TMEM117: variants seen among roughly 807,000 people sequenced by gnomAD.
The protein encoded by TMEM117 is transmembrane protein 117.
A neutral mutation model predicts 52.4 loss-of-function variants in TMEM117; 27 were observed. The ratio of observed to expected loss-of-function variants is 0.51; its 90% CI spans 0.38 to 0.71. The LOEUF (loss-of-function observed/expected upper bound fraction) is 0.71. Among genes scored for constraint, TMEM117 ranks in the 30% least tolerant of loss-of-function variants. TMEM117 has a pLI of 0.00. For synonymous variants in TMEM117, 215 were observed against 206.3 expected (o/e 1.04, Z -0.36); for missense variants, 556 against 630.5 (o/e 0.88, Z 1.26).
At chr12:43,884,086 T>C (rs1431538593) in intron 2 of TMEM117, among the ~76,000 whole-genome samples, 2 of 146,710 alleles carry the variant, frequency 1.4e-5, no homozygotes, top group East Asian at 2.0e-4. Flanking sequence ...CAGTGAGCCA[T>C]GATCACACCA....
At chr12:43,818,652 C>T in the TMEM117 span, among the ~76,000 whole-genome samples, 14 of 152,004 alleles carry the variant, frequency 9.2e-5, no homozygotes, top group African/African-American at 3.4e-4. Flanking sequence ...TGTTGGTTGG[C>T]CAGGATGGTC....
rs529414895 is a variant in TMEM117 at position 43,865,696 on chromosome 12, CAAAAAAAG to C, written c.277+20784_277+20791del. On this transcript the variant is annotated intron_variant, in intron 2 of 7. Transcript: ENST00000266534. ...TGGGTGACAGAACGAGACTCCGTCC[CAAAAAAAG>C]AAAAAAAGAAAAAAAAAAAACTAAT... 9.4e-3 allele frequency among the ~76,000 whole-genome samples: 1,314 copies of C among 139,704 alleles called. 32 individuals are homozygous for C. Among genetic ancestry groups the C allele is most frequent in the African/African-American group, 0.032 (1,193 of 37,378 alleles). 91.7% of individuals were successfully genotyped at this position (139,704 alleles called of 152,430 possible). A position where few individuals can be genotyped will look rare whatever the true frequency, so the allele number is the denominator to read the frequency against.
intron 4 of TMEM117, among the ~76,000 whole-genome samples, chr12:44,195,598 A>G (rs111499835): frequency 5.9e-5 from 9 of 152,252 alleles, no homozygotes; most frequent in African/African-American, 1.7e-4. Context: ...ATACCAGGAA[A>G]ATACAACCTA....
intron 3 of TMEM117, among the ~76,000 whole-genome samples, chr12:44,126,008 A>G (rs1252741762): frequency 1.3e-5 from 2 of 152,108 alleles, no homozygotes; most frequent in African/African-American, 4.8e-5. Flanking sequence ...TTCAGTTTCC[A>G]TGTAGTATAT....
chr12:43,911,902 C>A (rs1316761301), intron 2 of TMEM117, among the ~76,000 whole-genome samples: 5 of 147,104 alleles, frequency 3.4e-5, no homozygotes, highest in Admixed American at 6.9e-5. Context: ...GTTGGTGGGA[C>A]TGTAAACTAG....
intron 2 of TMEM117, among the ~76,000 whole-genome samples, chr12:43,872,826 T>A (rs116521007): frequency 0.014 from 2,062 of 152,308 alleles, 35 homozygotes; most frequent in African/African-American, 0.048. Context: ...AATAGCAATA[T>A]GAAATTTCTG....
At position 43,915,917 on chromosome 12, in the gene TMEM117, AC is replaced by A. The variant is rs917471580; in HGVS notation, c.278-28287del. ...CTGTTGCAGGTATTACAGCTTCAGC[AC>A]CCCCCTCAACCTCACCTCCCATCCC... On this transcript the variant is annotated intron_variant, in intron 2 of 7. Coordinates refer to ENST00000266534, the MANE Select transcript of TMEM117 (RefSeq NM_032256.3). 1.1e-3 allele frequency among the ~76,000 whole-genome samples: 162 copies of A among 151,960 alleles called. 2 individuals are homozygous for A. The highest frequency in any genetic ancestry group is 3.4e-3 in the Middle Eastern group (1 of 294).
chr12:44,081,821 C>T (rs544735029), intron 3 of TMEM117, among the ~76,000 whole-genome samples: 8 of 152,092 alleles, frequency 5.3e-5, no homozygotes, highest in Admixed American at 3.3e-4. Context: ...TGGTGCCCCA[C>T]AATTCCATTA....
chr12:43,863,480 G>A (rs1943526120), intron 2 of TMEM117, among the ~76,000 whole-genome samples: 1 of 152,028 alleles, frequency 6.6e-6, no homozygotes, highest in Non-Finnish European at 1.5e-5. Context: ...TTACGCATGG[G>A]GCATCTCTGA....
chr12:43,886,537 G>A (rs1943997709), intron 2 of TMEM117, among the ~76,000 whole-genome samples: 1 of 152,124 alleles, frequency 6.6e-6, no homozygotes. Context: ...TTAAAAAATT[G>A]GGCTTTGAAG....
At chr12:44,298,203 G>A (rs1398164153) in intron 5 of TMEM117, among the ~76,000 whole-genome samples, 1 of 150,628 alleles carries the variant, frequency 6.6e-6, no homozygotes, top group Admixed American at 6.6e-5. Flanking sequence ...TTTACACTAT[G>A]TACAATTGAA....
At chr12:44,056,089 CT>C (rs1176661264) in intron 3 of TMEM117, among the ~76,000 whole-genome samples, 2 of 151,658 alleles carry the variant, frequency 1.3e-5, no homozygotes, top group African/African-American at 2.4e-5. Context: ...ACAGTTTTCT[CT>C]TCTTTTCCTT....
chr12:44,080,317 A>G (rs186193578), intron 3 of TMEM117, among the ~76,000 whole-genome samples: 2 of 152,260 alleles, frequency 1.3e-5, no homozygotes, highest in Non-Finnish European at 2.9e-5. Context: ...TGGCGACAGC[A>G]AGGAGAAGTG....
chr12:43,907,134 C>T (rs537280328), intron 2 of TMEM117, among the ~76,000 whole-genome samples: 44 of 152,290 alleles, frequency 2.9e-4, no homozygotes, highest in East Asian at 1.5e-3. Flanking sequence ...TCTCCCAGCA[C>T]GCAGCTGGAG....
chr12:44,039,114 G>T (rs1017553267), intron 3 of TMEM117, among the ~76,000 whole-genome samples: 2 of 152,124 alleles, frequency 1.3e-5, no homozygotes, highest in Non-Finnish European at 2.9e-5. Flanking sequence ...TCTATGGATT[G>T]TGTGTTTCTT....
chr12:44,317,972 G>A (rs1951079855), intron 6 of TMEM117, among the ~76,000 whole-genome samples: 1 of 152,198 alleles, frequency 6.6e-6, no homozygotes, highest in African/African-American at 2.4e-5. Context: ...TGGCCACCTA[G>A]CGCCCAGAGG....
chr12:44,054,494 G>A (rs556552880), intron 3 of TMEM117, among the ~76,000 whole-genome samples: 2 of 152,130 alleles, frequency 1.3e-5, no homozygotes, highest in South Asian at 4.1e-4. Flanking sequence ...AAAGCTGCAC[G>A]GAGAGGTTAT....
At chr12:44,188,562 G>A (rs576263459) in intron 4 of TMEM117, among the ~76,000 whole-genome samples, 13 of 152,088 alleles carry the variant, frequency 8.5e-5, no homozygotes, top group African/African-American at 1.9e-4. Flanking sequence ...GATAATCAAC[G>A]CACTTTAGTA....
intron 6 of TMEM117, among the ~76,000 whole-genome samples, chr12:44,375,234 G>A (rs1408459647): frequency 2.0e-5 from 3 of 152,088 alleles, no homozygotes; most frequent in South Asian, 2.1e-4. Flanking sequence ...GCTCTAGTGC[G>A]TTGGGTTTTA....
Sources: gnomAD v4.1 joint callset for allele counts (sites outside exome capture counted in the v4.1 genomes callset) on GRCh38, gnomAD v4.1.1 for gene constraint, MANE v1.5 for transcripts, NCBI Gene and HGNC (gene_info 2026-07-23, HGNC 2026-07-21) for gene names.